Variants in BICD1 observed in about 807,000 individuals in gnomAD.
BICD1 encodes BICD cargo adaptor 1.
In BICD1, 35 loss-of-function variants were observed where a neutral mutation model predicts 92.5. The observed-to-expected ratio is 0.38, with a 90% CI of 0.29 to 0.50. The LOEUF (loss-of-function observed/expected upper bound fraction) is 0.50, where lower values mean the gene tolerates loss of function less well. BICD1 is among the 20% of genes least tolerant of loss of function. BICD1 has a pLI of 0.93. For synonymous variants in BICD1, 429 were observed against 465.1 expected, an observed-to-expected ratio of 0.92 and a Z score of 1.00; for missense variants, 950 against 1,189.8, an observed-to-expected ratio of 0.80 and a Z score of 2.97.
At position 32,145,703 on chromosome 12, in the gene BICD1, G is replaced by A. The variant is rs190232000; in HGVS notation, c.213+38159G>A. Among the ~76,000 whole-genome samples, 5 of 152,274 alleles carry A rather than the reference G, an allele frequency of 3.3e-5. No individual in the cohort carries two copies. In the East Asian group the frequency reaches 9.6e-4, roughly 29 times the overall value. ...GGGGTTAGGGAGAGGAAGTCTTTCAGTTTATTTTAAGGCTGGAGTGAATAT... is the reference window on the plus strand; with the variant it reads ...GGGGTTAGGGAGAGGAAGTCTTTCAATTTATTTTAAGGCTGGAGTGAATAT... On this transcript the variant is annotated intron_variant, in intron 1 of 9. Coordinates refer to ENST00000652176, the MANE Select transcript of BICD1 (RefSeq NM_001714.4).
chr12:32,121,340 C>A (rs1412544248), intron 1 of BICD1, among the ~76,000 whole-genome samples: 7 of 151,878 alleles, frequency 4.6e-5, no homozygotes, highest in Admixed American at 4.6e-4. Flanking sequence ...TGCCTGTAAT[C>A]CCAGAATTTT....
intron 2 of BICD1, among the ~76,000 whole-genome samples, chr12:32,258,677 A>G (rs968310600): frequency 6.6e-6 from 1 of 152,182 alleles, no homozygotes; most frequent in Non-Finnish European, 1.5e-5. Context: ...TGATCATAGG[A>G]CAGGGGGCCC....
chr12:32,107,411 C>T lies in BICD1; in HGVS notation c.80C>T (p.Thr27Ile), dbSNP rs1348950786. Reference sequence around the variant, plus strand: ...AGGCTAACCAAGGAGCTCACGGAGACCACCCACGAGAAGATCCAGGCTGCC... The same window carrying T: ...AGGCTAACCAAGGAGCTCACGGAGATCACCCACGAGAAGATCCAGGCTGCC... The part of the protein sequence containing the change: ...IERLTKELTE[T>I]THEKIQAAEY... Residue 27 changes from threonine to isoleucine, a missense_variant, in exon 1 of 10, where the codon ACC becomes ATC. This residue lies in a region of BICD1 where 202 missense variants were observed against 205.3 expected (regional missense o/e 0.98). Coordinates refer to ENST00000652176, the MANE Select transcript of BICD1 (RefSeq NM_001714.4). The T allele has an allele frequency of 6.2e-7, 1 of 1,612,102 alleles. No individual in the cohort carries two copies. Among genetic ancestry groups the T allele is most frequent in the Admixed American group, 1.7e-5 (1 of 59,664 alleles).
At chr12:32,346,607 T>C (rs1458026836) in intron 8 of BICD1, among the ~76,000 whole-genome samples, 1 of 6,120 alleles carries the variant, frequency 1.6e-4, no homozygotes, top group African/African-American at 1.2e-3. Context: ...TATATATATA[T>C]ATATACGTGT....
intron 2 of BICD1, among the ~76,000 whole-genome samples, chr12:32,244,912 C>T (rs939809309): frequency 1.2e-4 from 18 of 152,268 alleles, no homozygotes; most frequent in African/African-American, 4.1e-4. Flanking sequence ...CAGGTGTGAG[C>T]CACCATGCCC....
chr12:32,183,542 G>A (rs910639061), intron 1 of BICD1, among the ~76,000 whole-genome samples: 1 of 152,170 alleles, frequency 6.6e-6, no homozygotes, highest in Non-Finnish European at 1.5e-5. Context: ...TGGCATTATA[G>A]GCGTGAGCCA....
intron 2 of BICD1, among the ~76,000 whole-genome samples, chr12:32,275,693 C>T (rs1947255298): frequency 6.6e-6 from 1 of 151,936 alleles, no homozygotes; most frequent in Admixed American, 6.5e-5. Context: ...TGATTCCCAT[C>T]GCCGCTGACT....
intron 4 of BICD1, among the ~76,000 whole-genome samples, chr12:32,315,758 G>A (rs1948481592): frequency 6.6e-6 from 1 of 152,020 alleles, no homozygotes; most frequent in South Asian, 2.1e-4. Context: ...CATACTTTGA[G>A]TACCTATACA....
At chr12:32,197,175 A>G (rs1408926052) in intron 1 of BICD1, among the ~76,000 whole-genome samples, 2 of 151,932 alleles carry the variant, frequency 1.3e-5, no homozygotes, top group Non-Finnish European at 2.9e-5. Flanking sequence ...TGCCCAACTG[A>G]TTTTTGTATT....
chr12:32,127,610 C>T (rs1565533713), intron 1 of BICD1, among the ~76,000 whole-genome samples: 1 of 152,160 alleles, frequency 6.6e-6, no homozygotes, highest in Non-Finnish European at 1.5e-5. Context: ...AATAATTCTT[C>T]TTATTTTGTT....
intron 1 of BICD1, among the ~76,000 whole-genome samples, chr12:32,215,821 G>T (rs1442574931): frequency 6.6e-6 from 1 of 151,626 alleles, no homozygotes; most frequent in Non-Finnish European, 1.5e-5. Flanking sequence ...GGGCGTGTTG[G>T]TGGGCACCTG....
At chr12:32,114,928 AC>A (rs1941835035) in intron 1 of BICD1, among the ~76,000 whole-genome samples, 1 of 152,208 alleles carries the variant, frequency 6.6e-6, no homozygotes. Context: ...AACAGTCCTC[AC>A]TGCTCACTGA....
intron 1 of BICD1, among the ~76,000 whole-genome samples, chr12:32,133,055 A>T (rs554249494): frequency 1.3e-5 from 2 of 152,362 alleles, no homozygotes; most frequent in Non-Finnish European, 2.9e-5. Context: ...GAATGTAAAG[A>T]AATCATATGA....
At chr12:32,230,691 C>T (rs536007306) in intron 2 of BICD1, among the ~76,000 whole-genome samples, 43 of 152,212 alleles carry the variant, frequency 2.8e-4, no homozygotes, top group Non-Finnish European at 5.3e-4. Context: ...AAAGCAGCCA[C>T]GTGGAGCAAA....
chr12:32,148,113 G>A lies in BICD1; in HGVS notation c.213+40569G>A, dbSNP rs148048041. On this transcript the variant is annotated intron_variant, in intron 1 of 9. Transcript: ENST00000652176. ...GCCGTGATGACACCATCACACTCTA[G>A]CCTGGGTGACAGAGCGAGACTCCGT... Among the ~76,000 whole-genome samples the A allele has an allele frequency of 4.4e-4, 57 of 130,424 alleles. 1 individual carries two copies. The highest frequency in any genetic ancestry group is 1.4e-3 in the African/African-American group (49 of 34,582). The allele number at this position is 130,424 out of a possible 152,430, so 85.6% of individuals were successfully genotyped here.
intron 2 of BICD1, among the ~76,000 whole-genome samples, chr12:32,235,320 T>G (rs951595732): frequency 2.6e-5 from 4 of 152,192 alleles, no homozygotes; most frequent in African/African-American, 7.2e-5. Context: ...TCTCTTGCCC[T>G]CAACAATTAA....
At chr12:32,274,085 G>A (rs964745608) in intron 2 of BICD1, among the ~76,000 whole-genome samples, 8 of 152,224 alleles carry the variant, frequency 5.3e-5, no homozygotes, top group Non-Finnish European at 4.4e-5. Flanking sequence ...TAGGCTTGAA[G>A]GCAGGGTTTC....
chr12:32,342,202 G>GTA (rs1377522369), intron 8 of BICD1, among the ~76,000 whole-genome samples: 14 of 98,454 alleles, frequency 1.4e-4, no homozygotes, highest in Non-Finnish European at 2.2e-4. Context: ...ATGTGTGTGT[G>GTA]TGTATATATA....
intron 4 of BICD1, among the ~76,000 whole-genome samples, chr12:32,327,109 T>G (rs1329136366): frequency 6.6e-6 from 1 of 152,132 alleles, no homozygotes. Flanking sequence ...GCACTCAAAA[T>G]AAAAATAACA....
Sources: allele counts gnomAD v4.1 joint callset (sites outside exome capture counted in the v4.1 genomes callset), GRCh38; gene constraint gnomAD v4.1.1; regional missense constraint gnomAD v4.1.1; transcripts MANE v1.5; gene names NCBI Gene and HGNC (gene_info 2026-07-23, HGNC 2026-07-21).